LRRFIP2: variants seen among roughly 807,000 people sequenced by gnomAD.
The protein encoded by LRRFIP2 is leucine-rich repeat flightless-interacting protein 2.
In LRRFIP2, 109 loss-of-function variants were observed where a neutral mutation model predicts 125.9. The ratio of observed to expected loss-of-function variants is 0.87; its 90% CI spans 0.74 to 1.01. The LOEUF is 1.01. LRRFIP2 is among the 50% of genes least tolerant of loss of function. The pLI, the probability that LRRFIP2 is intolerant of heterozygous loss-of-function variation, is 0.00. For synonymous variants in LRRFIP2, 291 were observed against 293.1 expected (o/e 0.99, Z 0.07); for missense variants, 850 against 862.3 (o/e 0.99, Z 0.18).
intron 1 of LRRFIP2, among the ~76,000 whole-genome samples, chr3:37,165,424 CA>C (rs1433999195): frequency 7.4e-6 from 1 of 134,550 alleles, no homozygotes; most frequent in African/African-American, 2.8e-5. Context: ...ATCCTGGTGC[CA>C]AAAAGGTTGG....
At position 37,091,504 on chromosome 3, in the gene LRRFIP2, A is replaced by G; in HGVS notation, c.1070T>C (p.Val357Ala). 1 of 1,612,324 alleles carries G rather than the reference A, an allele frequency of 6.2e-7. No individual in the cohort carries two copies. The highest frequency in any genetic ancestry group is 1.1e-5 in the South Asian group (1 of 90,792). ...IYDLKDQIQD[V>A]EGRYMQGLKE... is the part of the protein sequence containing the mutation. ...AAGCCCCTGCATGTATCTCCCTTCT[A>G]CATCCTGTATCTGGTCCTTAAGGTC... Residue 357 changes from valine (V) to alanine (A), a missense_variant, in exon 18 of 28, where the codon GTA becomes GCA. Physicochemically the swap from Val to Ala is moderately conservative, Grantham distance 64. Transcript: ENST00000336686.
chr3:37,060,281 C>T lies in LRRFIP2; in HGVS notation c.1750-1371G>A, dbSNP rs924481893. 6.6e-6 allele frequency among the ~76,000 whole-genome samples: 1 copy of T among 151,490 alleles called. No homozygotes were observed. Among genetic ancestry groups the T allele is most frequent in the Non-Finnish European group, 1.5e-5 (1 of 67,788 alleles). ...TCTCCTGCTGCTTCTGCAGCTCTCT[C>T]AAACACTGTTTTTGTTTTGTTTTGT... On this transcript the variant is annotated intron_variant, in intron 24 of 27. Coordinates refer to ENST00000336686, the MANE Select transcript of LRRFIP2 (RefSeq NM_006309.4). The surrounding 1 kb of genome is among the most constrained non-coding windows in gnomAD (Gnocchi z 4.1).
At chr3:37,175,335 A>G (rs2096644441), upstream of LRRFIP2, 1 of 152,226 alleles carries the variant, frequency 6.6e-6, no homozygotes, top group Non-Finnish European at 1.5e-5. Context: ...AAACTCAAAG[A>G]AAACCAGCTA....
chr3:37,115,259 CCTA>C (rs749517794), intron 6 of LRRFIP2, among the ~76,000 whole-genome samples, 164 bp from the exon 7 acceptor site: 12 of 152,282 alleles, frequency 7.9e-5, no homozygotes, highest in Non-Finnish European at 1.8e-4. Flanking sequence ...TATTCTTCCT[CCTA>C]CTTTTTCCTA....
chr3:37,116,572 C>G (rs918409363), intron 6 of LRRFIP2, among the ~76,000 whole-genome samples: 1 of 152,188 alleles, frequency 6.6e-6, no homozygotes, highest in Non-Finnish European at 1.5e-5. Flanking sequence ...TACAAATCCA[C>G]ATGCATGAAT....
chr3:37,149,353 T>A (rs897878134), intron 1 of LRRFIP2, among the ~76,000 whole-genome samples: 1 of 150,816 alleles, frequency 6.6e-6, no homozygotes, highest in African/African-American at 2.4e-5. Context: ...CCTGTCTCTA[T>A]CAAAAATACA....
At chr3:37,081,450 C>T (rs1454644961) in intron 19 of LRRFIP2, among the ~76,000 whole-genome samples, 1 of 151,958 alleles carries the variant, frequency 6.6e-6, no homozygotes, top group Non-Finnish European at 1.5e-5. Flanking sequence ...AAACATTCTA[C>T]TTTATAAAGC....
chr3:37,135,773 A>G (rs1322914294), intron 2 of LRRFIP2, among the ~76,000 whole-genome samples: 5 of 152,210 alleles, frequency 3.3e-5, no homozygotes, highest in Admixed American at 2.6e-4. Flanking sequence ...GCTATGATAA[A>G]AAATGTTTTT....
At chr3:37,134,525 A>G (rs1577205296) in intron 2 of LRRFIP2, 1 of 392,684 alleles carries the variant, frequency 2.5e-6, no homozygotes, top group Non-Finnish European at 4.9e-6. Context: ...TCTCCACAAT[A>G]CCAAGAGCTT....
Position 37,094,868 on chromosome 3 carries a change from C to T in LRRFIP2, c.959G>A (p.Ser320Asn). The change falls in exon 17 of 28, where the codon AGT (serine) becomes AAT (asparagine). Residue 320 changes from serine to asparagine, a missense_variant. By Grantham distance (46) the Ser-to-Asn change is conservative. Coordinates refer to ENST00000336686, the MANE Select transcript of LRRFIP2 (RefSeq NM_006309.4). ...RNSASATTPL[S>N]GNSSRRGSGD... ...ACTTCCTCGTCTGGATGAGTTTCCA[C>T]TTAGAGGGGTTGTTGCTGAGGCAGA... The T allele has an allele frequency of 6.2e-7, 1 of 1,613,876 alleles. No individual in the cohort carries two copies. The highest frequency in any genetic ancestry group is 8.5e-7 in the Non-Finnish European group (1 of 1,179,840).
At chr3:37,101,387 A>G (rs959194199) in intron 15 of LRRFIP2, among the ~76,000 whole-genome samples, 1 of 151,298 alleles carries the variant, frequency 6.6e-6, no homozygotes, top group African/African-American at 2.4e-5. Flanking sequence ...AATGTTGGCC[A>G]GAAGTGATGG....
At chr3:37,100,426 A>C (rs1020122600) in intron 15 of LRRFIP2, among the ~76,000 whole-genome samples, 2 of 133,178 alleles carry the variant, frequency 1.5e-5, no homozygotes, top group Non-Finnish European at 3.5e-5. Context: ...ATACATACAT[A>C]TATGTATACA....
At chr3:37,117,242 C>G (rs1221916190) in intron 6 of LRRFIP2, among the ~76,000 whole-genome samples, 1 of 151,986 alleles carries the variant, frequency 6.6e-6, no homozygotes, top group Non-Finnish European at 1.5e-5. Flanking sequence ...AGCTGTCTTT[C>G]CTCTTATCAT....
In LRRFIP2 at chr3:37,060,603, C is replaced by CT. The variant is rs879377021; in HGVS notation, c.1750-1694dup. Reference sequence around the variant, plus strand: ...CAGACATGAGCCACCATGCCCGGCCCTTTTTTTTTTTGTACTTCCACAGCT... The same window carrying CT: ...CAGACATGAGCCACCATGCCCGGCCCTTTTTTTTTTTTGTACTTCCACAGCT... On this transcript the variant is annotated intron_variant, in intron 24 of 27. Coordinates refer to ENST00000336686, the MANE Select transcript of LRRFIP2 (RefSeq NM_006309.4). This position sits in a 1 kb window ranked among gnomAD's most constrained non-coding sequence, Gnocchi z 4.1. 6.5e-3 allele frequency among the ~76,000 whole-genome samples: 949 copies of CT among 144,940 alleles called. 6 individuals carry two copies. The highest frequency in any genetic ancestry group is 0.021 in the African/African-American group (829 of 39,876).
intron 24 of LRRFIP2, among the ~76,000 whole-genome samples, chr3:37,061,016 C>A (rs1403007678): frequency 6.6e-6 from 1 of 152,144 alleles, no homozygotes; most frequent in East Asian, 1.9e-4. Flanking sequence ...TGGGGCAGAT[C>A]CCTCATGAAT....
At position 37,163,536 on chromosome 3, in the gene LRRFIP2, C is replaced by A. The variant is rs546497963; in HGVS notation, c.-56+11003G>T. ...CCCCAGTGGGTGGCAGAATCACTAG[C>A]TGAAAGCAGCCTGAGTCCCTCAATG... On this transcript the variant is annotated intron_variant, in intron 1 of 27. Transcript: ENST00000336686. Among the ~76,000 whole-genome samples, 5 of 152,320 alleles carry A rather than the reference C, an allele frequency of 3.3e-5. No individual in the cohort carries two copies. The South Asian group carries it at 1.0e-3, about 32-fold the overall frequency.
intron 2 of LRRFIP2, among the ~76,000 whole-genome samples, chr3:37,133,775 T>C (rs1443388325): frequency 1.3e-5 from 2 of 152,200 alleles, no homozygotes; most frequent in East Asian, 3.9e-4. Flanking sequence ...TATACTTAAA[T>C]ATAGTTACCA....
intron 23 of LRRFIP2, chr3:37,065,399 A>G: frequency 2.9e-6 from 1 of 345,884 alleles, no homozygotes; most frequent in Admixed American, 3.7e-5. Flanking sequence ...AAAGAGGTAC[A>G]GAACCCTGGG....
chr3:37,066,274 T>C lies in LRRFIP2; in HGVS notation c.1516A>G (p.Met506Val), dbSNP rs754654510. The stretch of plus-strand genomic sequence containing the variant: ...AGGTCAGCCAGCTCCTCTCTGAGCA[T>C]ATCTCGCTCATTCCTAAGGCAGGCA... ...YIACLRNERD[M>V]LREELADLQE... Residue 506 changes from methionine (M) to valine (V), a missense_variant, in exon 22 of 28, where the codon ATG becomes GTG. By Grantham distance (21) the Met-to-Val change is conservative. Coordinates refer to ENST00000336686, the MANE Select transcript of LRRFIP2 (RefSeq NM_006309.4). The C allele has an allele frequency of 1.6e-5, 26 of 1,614,202 alleles. No homozygotes were observed. In the East Asian group the frequency reaches 5.8e-4, roughly 36 times the overall value.
Sources: gnomAD v4.1 joint callset for allele counts (sites outside exome capture counted in the v4.1 genomes callset) on GRCh38, gnomAD v4.1.1 for gene constraint, Gnocchi (gnomAD v3.1) non-coding constraint, MANE v1.5 for transcripts, NCBI Gene and HGNC (gene_info 2026-07-23, HGNC 2026-07-21) for gene names.